The following SLIT2 variants were observed in gnomAD, a reference collection of about 807,000 sequenced individuals.
SLIT2 encodes the protein slit guidance ligand 2.
SLIT2 carries 41 observed loss-of-function variants against 185.7 expected under a neutral mutation model. That is an observed-to-expected ratio of 0.22 (90% confidence interval 0.17 to 0.29). SLIT2 has a LOEUF of 0.29. SLIT2 is among the 10% of genes least tolerant of loss of function. The probability of loss-of-function intolerance (pLI) is 1.00; values close to 1 mark genes in which losing one functional copy is unlikely to be tolerated. For missense variants in SLIT2, 1,571 were observed against 1,909.0 expected (o/e 0.82, Z 3.30); for synonymous variants, 693 against 680.2 (o/e 1.02, Z -0.29).
chr4:20,301,793 A>G (rs759117037), intron 4 of SLIT2, among the ~76,000 whole-genome samples: 6 of 152,194 alleles, frequency 3.9e-5, no homozygotes, highest in Non-Finnish European at 7.4e-5. Context: ...TGTCTTGACA[A>G]CAGTACCATT....
intron 29 of SLIT2, among the ~76,000 whole-genome samples, chr4:20,585,961 G>A (rs1416048017): frequency 6.6e-6 from 1 of 152,170 alleles, no homozygotes; most frequent in Non-Finnish European, 1.5e-5. Flanking sequence ...TACATTAGCT[G>A]ACTAATGTTA....
At chr4:20,521,698 C>T (rs145815225) in intron 12 of SLIT2, among the ~76,000 whole-genome samples, 52 of 152,024 alleles carry the variant, frequency 3.4e-4, no homozygotes, top group African/African-American at 1.1e-3. Context: ...TTACATATAC[C>T]GGAGGGAAGA....
At chr4:20,461,309 A>C (rs1713683726) in intron 4 of SLIT2, among the ~76,000 whole-genome samples, 1 of 152,234 alleles carries the variant, frequency 6.6e-6, no homozygotes. Flanking sequence ...GCAGTTATCA[A>C]GGAAGATCCT....
intron 4 of SLIT2, among the ~76,000 whole-genome samples, chr4:20,426,168 C>A (rs1728542160): frequency 1.3e-5 from 2 of 152,116 alleles, no homozygotes; most frequent in African/African-American, 4.8e-5. Flanking sequence ...TTGGCTTAAC[C>A]AACACATGCT....
chr4:20,505,429 A>G (rs1440391103), intron 9 of SLIT2, among the ~76,000 whole-genome samples: 12 of 152,116 alleles, frequency 7.9e-5, no homozygotes, highest in Admixed American at 7.9e-4. Flanking sequence ...TGGCATGTGG[A>G]TGTTATTTTA....
At chr4:20,519,351 T>C in intron 11 of SLIT2, 31 bp from the exon 12 acceptor site, 2 of 1,153,170 alleles carry the variant, frequency 1.7e-6, no homozygotes, top group South Asian at 1.2e-5. Context: ...GTTTGGTGTC[T>C]AATTTTTTTC....
Position 20,523,841 on chromosome 4 carries a change from T to C in SLIT2, c.1212T>C (p.Tyr404=). Residue 404 remains tyrosine, a synonymous_variant, in exon 13 of 37, where the codon TAT becomes TAC. Coordinates refer to ENST00000504154, the MANE Select transcript of SLIT2 (RefSeq NM_004787.4). ...DLHNLNLLSL[Y]DNKLQTIAKG... is the part of the protein sequence containing the mutation. ...ACAACTTGAACCTTCTCTCCCTATA[T>C]GACAACAAGCTTCAGACCATCGCCA... 6.2e-7 allele frequency: 1 copy of C among 1,614,036 alleles called. No homozygotes were observed. The highest frequency in any genetic ancestry group is 8.5e-7 in the Non-Finnish European group (1 of 1,179,886).
At chr4:20,524,322 G>T in intron 14 of SLIT2, 145 bp downstream of exon 14, 1 of 697,836 alleles carries the variant, frequency 1.4e-6, no homozygotes, top group Non-Finnish European at 2.4e-6. Context: ...AAATAAAGAG[G>T]ACTGTAGACC....
rs1018736024 is a variant in SLIT2 at position 20,252,353 on chromosome 4, C to T, written c.-1463C>T. ...TCTGAGTCGTCGCCCTCCCTCTCCC[C>T]GACCTCGCTCCCTGGAGCGGGAGGC... On this transcript the variant is annotated 5_prime_UTR_variant, in exon 1 of 37. Coordinates refer to ENST00000504154, the MANE Select transcript of SLIT2 (RefSeq NM_004787.4). Among the ~76,000 whole-genome samples the T allele has an allele frequency of 6.6e-6, 1 of 152,120 alleles. No homozygotes were observed. Among genetic ancestry groups the T allele is most frequent in the Non-Finnish European group, 1.5e-5 (1 of 68,018 alleles).
chr4:20,471,980 T>TC (rs1715087381), intron 5 of SLIT2, among the ~76,000 whole-genome samples: 1 of 151,774 alleles, frequency 6.6e-6, no homozygotes, highest in Non-Finnish European at 1.5e-5. Context: ...AACTACTTTT[T>TC]CCCTTGACAT....
chr4:20,295,569 C>T (rs1716372588), intron 4 of SLIT2, among the ~76,000 whole-genome samples: 2 of 152,164 alleles, frequency 1.3e-5, no homozygotes, highest in South Asian at 4.1e-4. Context: ...TCAATCCAAA[C>T]CAACTCCTTC....
intron 4 of SLIT2, among the ~76,000 whole-genome samples, chr4:20,370,142 A>G (rs1018572695): frequency 1.3e-5 from 2 of 151,764 alleles, no homozygotes; most frequent in African/African-American, 4.8e-5. Flanking sequence ...AAGTTTGAGA[A>G]CCCCCTACCT....
intron 4 of SLIT2, among the ~76,000 whole-genome samples, chr4:20,441,187 G>GAACT (rs1472397054): frequency 2.0e-5 from 3 of 152,146 alleles, no homozygotes; most frequent in Non-Finnish European, 2.9e-5. Context: ...TGGCAAAAGG[G>GAACT]AACTGCTGGG....
chr4:20,451,276 TA>T lies in SLIT2; in HGVS notation c.396-16471del, dbSNP rs576415478. 5.9e-5 allele frequency among the ~76,000 whole-genome samples: 9 copies of T among 152,276 alleles called. No homozygotes were observed. In the South Asian group the frequency reaches 1.0e-3, roughly 18 times the overall value. ...TGTGACATTTTCCATGGGGGATAAA[TA>T]AAAACTTTACATTTCCCTCCCCAAT... On this transcript the variant is annotated intron_variant, in intron 4 of 36. Transcript: ENST00000504154.
intron 34 of SLIT2, among the ~76,000 whole-genome samples, chr4:20,613,386 T>C (rs1389041364): frequency 6.6e-6 from 1 of 152,168 alleles, no homozygotes; most frequent in African/African-American, 2.4e-5. Context: ...CCATTATCCT[T>C]AGCAAACTAA....
At chr4:20,492,508 A>T (rs372288296) in intron 9 of SLIT2, among the ~76,000 whole-genome samples, 22 of 152,312 alleles carry the variant, frequency 1.4e-4, no homozygotes, top group East Asian at 5.8e-4. Context: ...ATGCATTTCT[A>T]TGTCCTCACC....
At chr4:20,300,803 A>G (rs1280545034) in intron 4 of SLIT2, among the ~76,000 whole-genome samples, 1 of 152,096 alleles carries the variant, frequency 6.6e-6, no homozygotes, top group Non-Finnish European at 1.5e-5. Flanking sequence ...AACTCTTCCT[A>G]TTTTTTAAAA....
intron 3 of SLIT2, 111 bp downstream of exon 3, chr4:20,258,050 GA>G (rs1020965148): frequency 7.0e-6 from 4 of 574,586 alleles, no homozygotes; most frequent in African/African-American, 3.8e-5. Context: ...AAATTTTGCA[GA>G]AAAAGGAGGA....
intron 25 of SLIT2, among the ~76,000 whole-genome samples, chr4:20,553,242 C>T (rs963652989): frequency 1.3e-5 from 2 of 152,198 alleles, no homozygotes; most frequent in African/African-American, 4.8e-5. Context: ...ACAGCTTAGA[C>T]TTTCTTAACC....
Sources: gnomAD v4.1 joint callset for allele counts (sites outside exome capture counted in the v4.1 genomes callset) on GRCh38, gnomAD v4.1.1 for gene constraint, MANE v1.5 for transcripts, NCBI Gene and HGNC (gene_info 2026-07-23, HGNC 2026-07-21) for gene names.